The following AGPS variants were observed in gnomAD, a reference collection of about 807,000 sequenced individuals.
The protein encoded by AGPS is alkyldihydroxyacetonephosphate synthase, peroxisomal.
AGPS carries 26 observed loss-of-function variants against 90.7 expected under a neutral mutation model. That is an observed-to-expected ratio of 0.29 (90% CI 0.21 to 0.40). The LOEUF (loss-of-function observed/expected upper bound fraction) is 0.40, where lower values mean the gene tolerates loss of function less well. Among genes scored for constraint, AGPS ranks in the 10% least tolerant of loss-of-function variants. The pLI is 1.00. For missense variants in AGPS, 540 were observed against 816.1 expected (o/e 0.66, Z 4.12); for synonymous variants, 294 against 285.3 (o/e 1.03, Z -0.31).
intron 1 of AGPS, among the ~76,000 whole-genome samples, chr2:177,398,746 A>G (rs913695037): frequency 1.3e-5 from 2 of 152,254 alleles, no homozygotes; most frequent in African/African-American, 4.8e-5. Flanking sequence ...AATGAAATTC[A>G]TAATAAGAAA....
rs563100967 is a variant in AGPS at position 177,488,119 on chromosome 2, CTTATTAG to C, written c.1234-5025_1234-5019del. On this transcript the variant is annotated intron_variant, in intron 11 of 19. Transcript: ENST00000264167. ...ATTTCATCTGTGATACCAACTCTGA[CTTATTAG>C]TTAGAAGAAGAATTTGTCTACATTT... 7.9e-5 allele frequency among the ~76,000 whole-genome samples: 12 copies of C among 152,140 alleles called. No individual in the cohort carries two copies. The East Asian group carries it at 1.9e-3, about 24-fold the overall frequency.
chr2:177,418,837 A>C (rs1403046670), intron 1 of AGPS, among the ~76,000 whole-genome samples: 1 of 151,790 alleles, frequency 6.6e-6, no homozygotes, highest in Admixed American at 6.6e-5. Flanking sequence ...TGTGTGTGTC[A>C]CTGGTAACAT....
chr2:177,424,657 A>G (rs1686029191), intron 2 of AGPS, among the ~76,000 whole-genome samples: 1 of 152,226 alleles, frequency 6.6e-6, no homozygotes, highest in Admixed American at 6.5e-5. Context: ...TCTTTGAGGA[A>G]TCACCACACT....
chr2:177,524,738 T>C (rs1420390119), intron 19 of AGPS, among the ~76,000 whole-genome samples: 2 of 152,260 alleles, frequency 1.3e-5, no homozygotes, highest in Non-Finnish European at 2.9e-5. Flanking sequence ...TGAGAATCCA[T>C]GAGGACAGGA....
At chr2:177,406,736 T>TG (rs945123898) in intron 1 of AGPS, among the ~76,000 whole-genome samples, 2 of 152,270 alleles carry the variant, frequency 1.3e-5, no homozygotes, top group African/African-American at 4.8e-5. Context: ...TTGTTCTCTA[T>TG]TGATTATTGA....
chr2:177,505,610 T>C, intron 15 of AGPS, 35 bp downstream of exon 15: 1 of 1,564,240 alleles, frequency 6.4e-7, no homozygotes, highest in Non-Finnish European at 8.8e-7. Flanking sequence ...CCACTTAATT[T>C]ATGTTGCAAA....
intron 2 of AGPS, among the ~76,000 whole-genome samples, chr2:177,428,934 A>G (rs563029862): frequency 1.3e-5 from 2 of 152,004 alleles, no homozygotes; most frequent in African/African-American, 4.8e-5. Context: ...CATTCTCTCC[A>G]TCTCTTTCGG....
intron 19 of AGPS, among the ~76,000 whole-genome samples, chr2:177,526,230 T>C (rs1308846322): frequency 6.8e-6 from 1 of 147,104 alleles, no homozygotes; most frequent in Admixed American, 6.8e-5. Flanking sequence ...TTCTTGTCTT[T>C]TTTTTTTTTT....
chr2:177,469,070 G>A (rs141879182), intron 10 of AGPS, among the ~76,000 whole-genome samples: 172 of 151,984 alleles, frequency 1.1e-3, no homozygotes, highest in East Asian at 9.5e-3. Flanking sequence ...AGTTCATCTC[G>A]TCTAAAACAT....
At chr2:177,520,670 A>C (rs1689159774) in intron 17 of AGPS, among the ~76,000 whole-genome samples, 1 of 152,236 alleles carries the variant, frequency 6.6e-6, no homozygotes, top group Non-Finnish European at 1.5e-5. Flanking sequence ...GTCTTATACA[A>C]GTCACATGAA....
At chr2:177,401,288 A>G (rs1055488944) in intron 1 of AGPS, among the ~76,000 whole-genome samples, 4 of 152,192 alleles carry the variant, frequency 2.6e-5, no homozygotes, top group Non-Finnish European at 5.9e-5. Context: ...CTAGTCCCAC[A>G]GTCACATCCT....
chr2:177,480,387 C>T (rs1254260593), intron 10 of AGPS, among the ~76,000 whole-genome samples: 2 of 152,122 alleles, frequency 1.3e-5, no homozygotes, highest in East Asian at 1.9e-4. Context: ...CCATGGAATA[C>T]TATGCAGCCA....
intron 7 of AGPS, 29 bp from the exon 8 acceptor site, chr2:177,445,517 G>T: frequency 6.4e-7 from 1 of 1,556,080 alleles, no homozygotes; most frequent in Non-Finnish European, 8.9e-7. Context: ...AGTTCCTGGA[G>T]ATCAGATTTC....
intron 12 of AGPS, among the ~76,000 whole-genome samples, 158 bp downstream of exon 12, chr2:177,493,357 G>C (rs1245791167): frequency 6.6e-6 from 1 of 152,190 alleles, no homozygotes; most frequent in East Asian, 1.9e-4. Flanking sequence ...AAATGAGTGA[G>C]GGTAGCAGTG....
intron 5 of AGPS, among the ~76,000 whole-genome samples, chr2:177,439,990 C>T (rs1057040999): frequency 6.6e-6 from 1 of 151,890 alleles, no homozygotes; most frequent in Non-Finnish European, 1.5e-5. Context: ...TAGTTCTGTA[C>T]AAAGGAAAGG....
intron 10 of AGPS, 44 bp downstream of exon 10, chr2:177,468,568 C>T: frequency 7.3e-7 from 1 of 1,371,540 alleles, no homozygotes; most frequent in Non-Finnish European, 1.0e-6. Flanking sequence ...ACAGGTTAGT[C>T]ATGCAGTTTT....
At chr2:177,523,953 G>GA (rs1331723057) in intron 19 of AGPS, 148 bp downstream of exon 19, 1 of 728,758 alleles carries the variant, frequency 1.4e-6, no homozygotes, top group Non-Finnish European at 2.3e-6. Flanking sequence ...AGCTGTTACT[G>GA]AGGTAGATAG....
rs770165476 is a variant in AGPS, at chr2:177,482,208, T to TATAC, written c.1233+34_1233+37dup. On this transcript the variant is annotated intron_variant, in intron 11 of 19. Transcript: ENST00000264167. ...ACAGGTAAAAGAAAAAATATATATA[T>TATAC]ATACATACATACATATATGTTTATG... is the stretch of plus-strand genomic sequence containing the variant. 3.4e-5 allele frequency: 42 copies of TATAC among 1,250,562 alleles called. No homozygotes were observed. In the African/African-American group the frequency reaches 5.4e-4, roughly 16 times the overall value. The allele number at this position is 1,250,562 out of a possible 1,614,324, so 77.5% of individuals were successfully genotyped here.
Position 177,523,810 on chromosome 2 carries a change from T to A in AGPS, c.1855+5T>A, listed in dbSNP as rs1462555090. 1.2e-6 allele frequency: 2 copies of A among 1,611,632 alleles called. No homozygotes were observed. The highest frequency in any genetic ancestry group is 1.7e-6 in the Non-Finnish European group (2 of 1,177,740). On this transcript the variant is annotated splice_donor_5th_base_variant and intron_variant, in intron 19 of 19. Coordinates refer to ENST00000264167, the MANE Select transcript of AGPS (RefSeq NM_003659.4). ...GCCTGTCACATCACCATGGAGGTATTCTTTTTTGGGAGTAGAATTTCTAAT... is the reference window on the plus strand; with the variant it reads ...GCCTGTCACATCACCATGGAGGTATACTTTTTTGGGAGTAGAATTTCTAAT...
Sources: allele counts gnomAD v4.1 joint callset (sites outside exome capture counted in the v4.1 genomes callset), GRCh38; gene constraint gnomAD v4.1.1; transcripts MANE v1.5; gene names NCBI Gene and HGNC (gene_info 2026-07-23, HGNC 2026-07-21).